STXBP5: variants seen among roughly 807,000 people sequenced by gnomAD.
The protein encoded by STXBP5 is syntaxin binding protein 5.
Under a neutral mutation model 152.4 loss-of-function variants are expected in STXBP5, and 50 were observed. The ratio of observed to expected loss-of-function variants is 0.33; its 90% CI spans 0.26 to 0.42. The LOEUF (loss-of-function observed/expected upper bound fraction) is 0.42, where lower values mean the gene tolerates loss of function less well. Among genes scored for constraint, STXBP5 ranks in the 10% least tolerant of loss-of-function variants. The pLI, the probability that STXBP5 is intolerant of heterozygous loss-of-function variation, is 1.00. For missense variants in STXBP5, 1,167 were observed against 1,388.6 expected (o/e 0.84, Z 2.54); for synonymous variants, 492 against 494.7 (o/e 0.99, Z 0.07).
chr6:147,258,398 CA>C (rs1441192946), intron 4 of STXBP5, among the ~76,000 whole-genome samples: 5 of 152,110 alleles, frequency 3.3e-5, no homozygotes, highest in Non-Finnish European at 5.9e-5. Flanking sequence ...TCTCTGTGTA[CA>C]AACATGCACA....
chr6:147,290,311 G>T (rs775171522), intron 8 of STXBP5, among the ~76,000 whole-genome samples: 6 of 152,160 alleles, frequency 3.9e-5, no homozygotes, highest in Non-Finnish European at 5.9e-5. Flanking sequence ...AATGTGACAA[G>T]TGCTATGGAG....
At chr6:147,212,113 G>A (rs1776888518) in intron 2 of STXBP5, among the ~76,000 whole-genome samples, 1 of 152,200 alleles carries the variant, frequency 6.6e-6, no homozygotes, top group Non-Finnish European at 1.5e-5. Flanking sequence ...GACTACCGCA[G>A]CAGGAGGAAT....
At chr6:147,370,247 G>C (rs1043289212) in intron 25 of STXBP5, among the ~76,000 whole-genome samples, 2 of 152,068 alleles carry the variant, frequency 1.3e-5, no homozygotes, top group African/African-American at 4.8e-5. Context: ...TGTTAAAGAA[G>C]GAATGAGAGA....
At chr6:147,253,420 A>G (rs1450198118) in intron 4 of STXBP5, among the ~76,000 whole-genome samples, 1 of 152,048 alleles carries the variant, frequency 6.6e-6, no homozygotes, top group Non-Finnish European at 1.5e-5. Flanking sequence ...CTCTCTCCCC[A>G]CTCCTGTCCA....
At chr6:147,342,976 T>C (rs1784159718) in intron 21 of STXBP5, among the ~76,000 whole-genome samples, 1 of 152,110 alleles carries the variant, frequency 6.6e-6, no homozygotes, top group Admixed American at 6.5e-5. Context: ...TTATTACTAA[T>C]TTTCTTATGG....
chr6:147,304,275 AG>A (rs1781977675), intron 9 of STXBP5, among the ~76,000 whole-genome samples: 1 of 152,174 alleles, frequency 6.6e-6, no homozygotes, highest in African/African-American at 2.4e-5. Flanking sequence ...CATGGCTAAA[AG>A]GGGTCAACAT....
rs1779595758 is a variant in STXBP5 at position 147,260,605 on chromosome 6, T to C, written c.432-10T>C. 6.2e-7 allele frequency: 1 copy of C among 1,613,478 alleles called. No individual in the cohort carries two copies. Among genetic ancestry groups the C allele is most frequent in the African/African-American group, 1.3e-5 (1 of 74,910 alleles). Reference sequence around the variant, plus strand: ...CAAATTTCTTTTTTGAGTATATTTTTCTCTTGCAGGGTTACATTTTGCCAT... The same window carrying C: ...CAAATTTCTTTTTTGAGTATATTTTCCTCTTGCAGGGTTACATTTTGCCAT... On this transcript the variant is annotated splice_polypyrimidine_tract_variant and intron_variant, in intron 4 of 27. Coordinates refer to ENST00000321680, the MANE Select transcript of STXBP5 (RefSeq NM_001127715.4).
At chr6:147,230,950 A>C (rs1777972646) in intron 2 of STXBP5, among the ~76,000 whole-genome samples, 1 of 148,972 alleles carries the variant, frequency 6.7e-6, no homozygotes, top group South Asian at 2.1e-4. Context: ...GCTGGTGATG[A>C]TGATGGTGAT....
chr6:147,316,046 C>T (rs988896093), intron 15 of STXBP5, among the ~76,000 whole-genome samples, 183 bp from the exon 16 acceptor site: 4 of 151,926 alleles, frequency 2.6e-5, no homozygotes, highest in African/African-American at 9.7e-5. Context: ...GTGTGTACTC[C>T]CTGAGTCAAG....
At chr6:147,247,377 T>C (rs6921496) in intron 4 of STXBP5, among the ~76,000 whole-genome samples, 10,443 of 152,186 alleles carry the variant, frequency 0.069, 480 homozygotes, top group African/African-American at 0.12. Flanking sequence ...GTTGGGAAGA[T>C]GGGGGATCTG....
At chr6:147,244,918 G>A (rs1778733047) in intron 4 of STXBP5, among the ~76,000 whole-genome samples, 1 of 149,868 alleles carries the variant, frequency 6.7e-6, no homozygotes, top group Admixed American at 6.6e-5. Flanking sequence ...TTGGTTTTTA[G>A]CACTTTGGCA....
At chr6:147,219,965 CA>C (rs1056809155) in intron 2 of STXBP5, among the ~76,000 whole-genome samples, 16 of 151,604 alleles carry the variant, frequency 1.1e-4, no homozygotes, top group Admixed American at 3.3e-4. Context: ...TTTCTTAAAG[CA>C]GAAGTGATTG....
intron 11 of STXBP5, 87 bp downstream of exon 11, chr6:147,311,614 T>C: frequency 3.0e-6 from 3 of 996,108 alleles, no homozygotes; most frequent in Non-Finnish European, 4.5e-6. Context: ...TTTCATTTCT[T>C]TGAAAACTCT....
rs148988269 is a variant in STXBP5 at position 147,244,192 on chromosome 6, C to T, written c.431+4922C>T. Among the ~76,000 whole-genome samples, 420 of 152,178 alleles carry T rather than the reference C, an allele frequency of 2.8e-3. 1 individual carries two copies. The highest frequency in any genetic ancestry group is 9.4e-3 in the African/African-American group (391 of 41,516). ...GATGTGCATAGGCTATATGCAAATA[C>T]GATACAGTTTTATATAAGGGACTTG... On this transcript the variant is annotated intron_variant, in intron 4 of 27. Transcript: ENST00000321680.
intron 19 of STXBP5, among the ~76,000 whole-genome samples, chr6:147,335,225 T>A (rs534545294): frequency 4.6e-5 from 7 of 152,290 alleles, no homozygotes; most frequent in Admixed American, 1.3e-4. Flanking sequence ...CCTAATAAGG[T>A]TTAACATTGG....
At chr6:147,268,481 C>T (rs950011065) in intron 7 of STXBP5, among the ~76,000 whole-genome samples, 1 of 152,154 alleles carries the variant, frequency 6.6e-6, no homozygotes, top group African/African-American at 2.4e-5. Flanking sequence ...CATTTGAATA[C>T]TTTGCACATG....
intron 14 of STXBP5, 71 bp from the exon 15 acceptor site, chr6:147,315,444 A>G (rs1223196971): frequency 2.0e-6 from 2 of 1,015,138 alleles, no homozygotes; most frequent in East Asian, 2.6e-5. Context: ...ACATAGTATG[A>G]GTGATTAAAT....
At position 147,314,648 on chromosome 6, in the gene STXBP5, T is replaced by C. The variant is rs1782549921; in HGVS notation, c.1402+12T>C. 5 of 1,599,122 alleles carry C rather than the reference T, an allele frequency of 3.1e-6. No individual in the cohort carries two copies. The highest frequency in any genetic ancestry group is 3.4e-6 in the Non-Finnish European group (4 of 1,171,546). On this transcript the variant is annotated intron_variant, in intron 14 of 27. Transcript: ENST00000321680. ...GGATGCTTCTGCAAGTAAGTATTTT[T>C]AATATTCATTATTTGTTATATGTTA...
intron 6 of STXBP5, among the ~76,000 whole-genome samples, chr6:147,262,836 C>G (rs962060252): frequency 1.2e-4 from 18 of 151,780 alleles, no homozygotes; most frequent in Non-Finnish European, 7.4e-5. Flanking sequence ...TTTTAATACT[C>G]TGAAACCAGT....
Sources: gnomAD v4.1 joint callset for allele counts (sites outside exome capture counted in the v4.1 genomes callset) on GRCh38, gnomAD v4.1.1 for gene constraint, MANE v1.5 for transcripts, NCBI Gene and HGNC (gene_info 2026-07-23, HGNC 2026-07-21) for gene names.